Variants in PIWIL1 observed in about 807,000 individuals in gnomAD.
PIWIL1 encodes piwi like RNA-mediated gene silencing 1.
PIWIL1 carries 73 observed loss-of-function variants against 114.4 expected under a neutral mutation model. That is an observed-to-expected ratio of 0.64 (90% CI 0.53 to 0.78). PIWIL1 has a LOEUF of 0.78. PIWIL1 is among the 30% of genes least tolerant of loss of function. The pLI, the probability that PIWIL1 is intolerant of heterozygous loss-of-function variation, is 0.00. For synonymous variants in PIWIL1, 375 were observed against 369.0 expected (o/e 1.02, Z -0.19); for missense variants, 723 against 1,063.1 (o/e 0.68, Z 4.45).
the PIWIL1 span, chr12:130,424,599 G>A: frequency 9.9e-5 from 122 of 1,231,772 alleles, no homozygotes; most frequent in African/African-American, 1.3e-3. The surrounding 1 kb of genome is among the most constrained non-coding windows in gnomAD (Gnocchi z 9.8). Context: ...GACGGCCCCC[G>A]AGCCCCTGTG....
intron 12 of PIWIL1, 130 bp downstream of exon 12, chr12:130,355,797 A>C: frequency 2.9e-6 from 2 of 682,984 alleles, no homozygotes; most frequent in Non-Finnish European, 5.3e-6. Flanking sequence ...TAAAGTTGAC[A>C]ATCAAGTGAG....
At chr12:130,399,894 C>CA in the PIWIL1 span, 3 of 1,472,164 alleles carry the variant, frequency 2.0e-6, no homozygotes, top group Non-Finnish European at 2.8e-6. Context: ...GAATACAGCT[C>CA]AGAGTACAGG....
chr12:130,417,818 C>T, the PIWIL1 span, among the ~76,000 whole-genome samples: 125 of 152,218 alleles, frequency 8.2e-4, no homozygotes, highest in African/African-American at 2.7e-3. Flanking sequence ...CACTAAACAT[C>T]ATTAGATAGA....
downstream of PIWIL1, among the ~76,000 whole-genome samples, chr12:130,377,500 CAG>C (rs1273022853): frequency 6.6e-6 from 1 of 152,214 alleles, no homozygotes; most frequent in Non-Finnish European, 1.5e-5. Flanking sequence ...TTACACCAGG[CAG>C]AGAGGTGGGG....
the PIWIL1 span, among the ~76,000 whole-genome samples, chr12:130,405,535 C>T: frequency 1.3e-5 from 2 of 152,134 alleles, no homozygotes; most frequent in Non-Finnish European, 2.9e-5. Flanking sequence ...TGTAAAGATG[C>T]CCCAGCTGCG....
Position 130,371,893 on chromosome 12 carries a change from A to G in PIWIL1, c.*295A>G. On this transcript the variant is annotated 3_prime_UTR_variant, in exon 21 of 21. Transcript: ENST00000245255. ...GGTAGTATAAAACAGACTCTCTGAG[A>G]GTATTTGAAATGTGTTTGGAGATTT... The G allele has an allele frequency of 5.4e-6, 1 of 183,690 alleles. No individual in the cohort carries two copies. Among genetic ancestry groups the G allele is most frequent in the Admixed American group, 5.9e-5 (1 of 17,016 alleles). The allele number at this position is 183,690 out of a possible 1,614,324, so 11.4% of individuals were successfully genotyped here. A position where few individuals can be genotyped will look rare whatever the true frequency, so the allele number is the denominator to read the frequency against.
At chr12:130,414,148 AG>A in the PIWIL1 span, 1 of 1,614,200 alleles carries the variant, frequency 6.2e-7, no homozygotes, top group Non-Finnish European at 8.5e-7. Context: ...CCTTCTTTAA[AG>A]GGAAGCTCCT....
In PIWIL1 at chr12:130,362,090, T is replaced by G. The variant is rs574993281; in HGVS notation, c.1970+489T>G. Among the ~76,000 whole-genome samples the G allele has an allele frequency of 3.3e-5, 5 of 152,334 alleles. No individual in the cohort carries two copies. In the South Asian group the frequency reaches 1.0e-3, roughly 32 times the overall value. Reference sequence around the variant, plus strand: ...TTCAAGGTCTTATCATTTTTAACTTTTAGTTTCAGGAGTGCATGTGCAGGT... The same window carrying G: ...TTCAAGGTCTTATCATTTTTAACTTGTAGTTTCAGGAGTGCATGTGCAGGT... On this transcript the variant is annotated intron_variant, in intron 16 of 20. Transcript: ENST00000245255.
chr12:130,345,935 A>C, intron 4 of PIWIL1, 57 bp downstream of exon 4: 1 of 1,574,072 alleles, frequency 6.4e-7, no homozygotes, highest in South Asian at 1.2e-5. Context: ...CAGGACAGTG[A>C]ATTGAGGCAC....
chr12:130,397,742 A>C, the PIWIL1 span: 3 of 374,456 alleles, frequency 8.0e-6, no homozygotes, highest in Non-Finnish European at 1.4e-5. Context: ...CCAGACATAA[A>C]TGTGTGGGTT....
intron 1 of PIWIL1, among the ~76,000 whole-genome samples, chr12:130,341,132 C>T (rs2072908199): frequency 6.6e-6 from 1 of 152,194 alleles, no homozygotes; most frequent in African/African-American, 2.4e-5. Context: ...TATGTAGAAC[C>T]TTGGATGGTT....
rs2136142513 is a variant in PIWIL1 at position 130,349,375 on chromosome 12, G to A, written c.871G>A (p.Glu291Lys). 2 of 1,613,730 alleles carry A rather than the reference G, an allele frequency of 1.2e-6. No homozygotes were observed. Among genetic ancestry groups the A allele is most frequent in the Non-Finnish European group, 1.7e-6 (2 of 1,179,664 alleles). ...CATGTTCAACTTTTATCATCAGACA[G>A]AAGAACATAAATTTCAAGAACAAGT... Reference protein sequence around the residue: ...DFMFNFYHQTEEHKFQEQVSK... With the variant: ...DFMFNFYHQTKEHKFQEQVSK... Residue 291 changes from glutamate to lysine, a missense_variant, in exon 8 of 21, where the codon GAA becomes AAA. Glu to Lys is a moderately conservative substitution (Grantham distance 56). Coordinates refer to ENST00000245255, the MANE Select transcript of PIWIL1 (RefSeq NM_004764.5).
At chr12:130,378,057 T>C in the PIWIL1 span, among the ~76,000 whole-genome samples, 4 of 152,220 alleles carry the variant, frequency 2.6e-5, no homozygotes, top group Non-Finnish European at 4.4e-5. Flanking sequence ...ATGAATACAG[T>C]GTAATGAGTT....
Position 130,345,769 on chromosome 12 carries a change from T to A in PIWIL1, c.207T>A (p.Ala69=), listed in dbSNP as rs1565941517. Residue 69 remains alanine, a synonymous_variant, in exon 4 of 21, where the codon GCT becomes GCA. Coordinates refer to ENST00000245255, the MANE Select transcript of PIWIL1 (RefSeq NM_004764.5). The stretch of plus-strand genomic sequence containing the variant: ...TTTTTTAAGGACTCCAGATATCTGC[T>A]GGATTTCAGGAGTTATCGTTAGCAG... ...TAKSQGLQIS[A]GFQELSLAER... The A allele has an allele frequency of 2.5e-6, 4 of 1,613,822 alleles. No homozygotes were observed. The South Asian group carries it at 3.3e-5, about 13-fold the overall frequency.
chr12:130,372,597 C>CAAAAAAA (rs60262232), exon 21 of PIWIL1: 4 of 67,912 alleles, frequency 5.9e-5, 1 homozygote, highest in African/African-American at 2.7e-4. Flanking sequence ...GACTCCGTCT[C>CAAAAAAA]AAAAAAAAAA....
the PIWIL1 span, among the ~76,000 whole-genome samples, chr12:130,423,206 A>G: frequency 1.3e-5 from 2 of 152,216 alleles, no homozygotes; most frequent in Non-Finnish European, 2.9e-5. Flanking sequence ...TCTTCTTGCT[A>G]GTAAGTAAAT....
the PIWIL1 span, among the ~76,000 whole-genome samples, chr12:130,408,119 G>A: frequency 1.8e-4 from 27 of 152,296 alleles, no homozygotes; most frequent in East Asian, 4.8e-3. Context: ...CATGAAGCAC[G>A]GGGCTCTCGA....
chr12:130,356,029 A>G (rs1262306767), intron 12 of PIWIL1, among the ~76,000 whole-genome samples: 1 of 151,880 alleles, frequency 6.6e-6, no homozygotes, highest in African/African-American at 2.4e-5. Flanking sequence ...TGTAAGACTT[A>G]GCTAAAAAGT....
At chr12:130,424,038 A>G in the PIWIL1 span, 1 of 568,386 alleles carries the variant, frequency 1.8e-6, no homozygotes, top group Non-Finnish European at 2.6e-6. This position sits in a 1 kb window ranked among gnomAD's most constrained non-coding sequence, Gnocchi z 9.8. Context: ...ACAGCCAGCA[A>G]GAGAGTCCCC....
Sources: allele counts gnomAD v4.1 joint callset (sites outside exome capture counted in the v4.1 genomes callset), GRCh38; gene constraint gnomAD v4.1.1; non-coding constraint Gnocchi (gnomAD v3.1); transcripts MANE v1.5; gene names NCBI Gene and HGNC (gene_info 2026-07-23, HGNC 2026-07-21).